The following CYP26C1 variants were observed in gnomAD, a reference collection of about 807,000 sequenced individuals.
CYP26C1 encodes the protein cytochrome P450 26C1.
CYP26C1 carries 41 observed loss-of-function variants against 39.1 expected under a neutral mutation model. The observed-to-expected ratio is 1.05, with a 90% CI of 0.82 to 1.36. CYP26C1 has a LOEUF of 1.36. CYP26C1 is among the 40% of genes most tolerant of loss of function. CYP26C1 has a pLI of 0.00. For missense variants in CYP26C1, 833 were observed against 752.0 expected (o/e 1.11, Z -1.26); for synonymous variants, 362 against 350.8 (o/e 1.03, Z -0.36).
In CYP26C1 at chr10:93,062,373, C is replaced by A. The variant is rs1039459257; in HGVS notation, c.429+139C>A. 4 of 862,204 alleles carry A rather than the reference C, an allele frequency of 4.6e-6. No individual in the cohort carries two copies. The African/African-American group carries it at 5.1e-5, about 11-fold the overall frequency. The allele number at this position is 862,204 out of a possible 1,614,324, so 53.4% of individuals were successfully genotyped here. The stretch of plus-strand genomic sequence containing the variant: ...CTGGTAACTAGCGGGTGGCCTTGGG[C>A]GGGTCCGTTACCTTCAGCTTCGGTT... On this transcript the variant is annotated intron_variant, in intron 2 of 5. Coordinates refer to ENST00000651965, the MANE Select transcript of CYP26C1 (RefSeq NM_183374.3).
intron 4 of CYP26C1, among the ~76,000 whole-genome samples, chr10:93,065,730 G>C (rs1193901585): frequency 6.6e-6 from 1 of 152,252 alleles, no homozygotes; most frequent in Admixed American, 6.5e-5. Context: ...CGGGTGGATA[G>C]ATCCTAATGT....
Position 93,062,254 on chromosome 10 carries a change from G to T in CYP26C1, c.429+20G>T, listed in dbSNP as rs1393022546. 2 of 1,507,452 alleles carry T rather than the reference G, an allele frequency of 1.3e-6. No individual in the cohort carries two copies. Among genetic ancestry groups the T allele is most frequent in the South Asian group, 2.5e-5 (2 of 80,298 alleles). 93.4% of individuals were successfully genotyped at this position (1,507,452 alleles called of 1,614,324 possible). On this transcript the variant is annotated intron_variant, in intron 2 of 5. Coordinates refer to ENST00000651965, the MANE Select transcript of CYP26C1 (RefSeq NM_183374.3). ...CGCAAGGTGAGTGGAAACGGGAATG[G>T]ACCGTAGATACGTCGGATCCGCGGT...
At chr10:93,064,799 C>T in intron 4 of CYP26C1, 2 of 1,165,968 alleles carry the variant, frequency 1.7e-6, no homozygotes, top group Non-Finnish European at 2.1e-6. Flanking sequence ...GGTTTCTGGC[C>T]ACAAATGGCT....
rs1279511738 is a variant in CYP26C1, at chr10:93,062,023, A to G, written c.218A>G (p.His73Arg). ...LHWLVQGSRF[H>R]SSRRERYGTV... ...CCTCGCCCGCAGGGCTCGCGCTTCC[A>G]CAGTTCTCGCCGAGAGCGCTATGGG... The change falls in exon 2 of 6, where the codon CAC (histidine) becomes CGC (arginine). Residue 73 changes from histidine (H) to arginine (R), a missense_variant. Physicochemically the swap from His to Arg is conservative, Grantham distance 29 (BLOSUM62 0). Transcript: ENST00000651965. The G allele has an allele frequency of 1.3e-6, 2 of 1,566,858 alleles. No individual in the cohort carries two copies. Among genetic ancestry groups the G allele is most frequent in the Admixed American group, 3.8e-5 (2 of 52,418 alleles).
At chr10:93,063,306 C>T in intron 3 of CYP26C1, 1 of 1,140,284 alleles carries the variant, frequency 8.8e-7, no homozygotes, top group Non-Finnish European at 1.1e-6. Context: ...AGGCGTCCTG[C>T]CAGTCGGTCG....
Position 93,066,161 on chromosome 10 carries a change from C to T in CYP26C1, c.1067C>T (p.Pro356Leu), listed in dbSNP as rs1208918451. 1.4e-6 allele frequency: 2 copies of T among 1,418,362 alleles called. No individual in the cohort carries two copies. Among genetic ancestry groups the T allele is most frequent in the Admixed American group, 4.8e-5 (2 of 41,580 alleles). 87.9% of individuals were successfully genotyped at this position (1,418,362 alleles called of 1,614,324 possible). A position where few individuals can be genotyped will look rare whatever the true frequency, so the allele number is the denominator to read the frequency against. Residue 356 changes from proline to leucine, a missense_variant, in exon 5 of 6, where the codon CCC (proline) becomes CTC (leucine). Coordinates refer to ENST00000651965, the MANE Select transcript of CYP26C1 (RefSeq NM_183374.3). ...CCCCCGCCCGACTGCGGCTGCGAGC[C>T]CGACCTCAGCCTCGCGGCGCTGGGC... The part of the protein sequence containing the change: ...EGPPPDCGCE[P>L]DLSLAALGRL...
chr10:93,063,066 G>C (rs745411639), intron 3 of CYP26C1, 71 bp downstream of exon 3: 19 of 1,484,624 alleles, frequency 1.3e-5, no homozygotes, highest in Non-Finnish European at 1.5e-5. Flanking sequence ...GACCCAGACG[G>C]GACGCCCTCG....
intron 2 of CYP26C1, 24 bp downstream of exon 2, chr10:93,062,258 GT>G: frequency 2.0e-6 from 3 of 1,501,382 alleles, no homozygotes; most frequent in Non-Finnish European, 2.7e-6. Flanking sequence ...GGAATGGACC[GT>G]AGATACGTCG....
chr10:93,062,610 G>C, intron 2 of CYP26C1, 110 bp from the exon 3 acceptor site: 7 of 1,030,452 alleles, frequency 6.8e-6, no homozygotes, highest in Non-Finnish European at 8.0e-6. Flanking sequence ...TTTAGGTCTG[G>C]GCCGCTTGGA....
At chr10:93,062,328 T>C (rs1846762218) in intron 2 of CYP26C1, 94 bp downstream of exon 2, 2 of 1,305,286 alleles carry the variant, frequency 1.5e-6, no homozygotes, top group East Asian at 5.1e-5. Context: ...TTGGATACAC[T>C]GTGAACCCGA....
intron 3 of CYP26C1, chr10:93,064,117 A>G: frequency 3.3e-6 from 4 of 1,218,956 alleles, no homozygotes; most frequent in Non-Finnish European, 4.2e-6. Context: ...TCTGAACTTC[A>G]GCATCCTCTC....
Position 93,068,768 on chromosome 10 carries a change from C to G in CYP26C1, c.*71C>G. ...CACGCAGCGCCACCCATCTGCCGCT[C>G]CCCATTGTAGCGTCGCGCGCCCACT... On this transcript the variant is annotated 3_prime_UTR_variant, in exon 6 of 6. Transcript: ENST00000651965. 4 of 1,460,646 alleles carry G rather than the reference C, an allele frequency of 2.7e-6. No homozygotes were observed. Among genetic ancestry groups the G allele is most frequent in the Middle Eastern group, 2.6e-4 (1 of 3,872 alleles). The allele number at this position is 1,460,646 out of a possible 1,614,324, so 90.5% of individuals were successfully genotyped here. A position where few individuals can be genotyped will look rare whatever the true frequency, so the allele number is the denominator to read the frequency against.
intron 3 of CYP26C1, chr10:93,063,805 A>T: frequency 1.0e-6 from 1 of 985,526 alleles, no homozygotes. Flanking sequence ...CAGGACTTTA[A>T]CCTCATCTCC....
At position 93,062,280 on chromosome 10, in the gene CYP26C1, C is replaced by T. The variant is rs543238370; in HGVS notation, c.429+46C>T. On this transcript the variant is annotated intron_variant, in intron 2 of 5. Coordinates refer to ENST00000651965, the MANE Select transcript of CYP26C1 (RefSeq NM_183374.3). ...ACCGTAGATACGTCGGATCCGCGGT[C>T]CCCGGCATCTGCCATGGGCCAGGCC... 38 of 1,480,226 alleles carry T rather than the reference C, an allele frequency of 2.6e-5. No individual in the cohort carries two copies. The South Asian group carries it at 3.6e-4, about 14-fold the overall frequency. The allele number at this position is 1,480,226 out of a possible 1,614,324, so 91.7% of individuals were successfully genotyped here. A position where few individuals can be genotyped will look rare whatever the true frequency, so the allele number is the denominator to read the frequency against.
chr10:93,065,829 AC>A (rs1263403285), intron 4 of CYP26C1, 126 bp from the exon 5 acceptor site: 16 of 873,980 alleles, frequency 1.8e-5, no homozygotes, highest in Non-Finnish European at 2.5e-5. Flanking sequence ...CGGTAATAGC[AC>A]TTCCCTGCCC....
Position 93,068,664 on chromosome 10 carries a change from G to A in CYP26C1, c.1536G>A (p.Thr512=). 1 of 1,580,714 alleles carries A rather than the reference G, an allele frequency of 6.3e-7. No homozygotes were observed. Among genetic ancestry groups the A allele is most frequent in the Non-Finnish European group, 8.6e-7 (1 of 1,160,708 alleles). The change falls in exon 6 of 6, where the codon ACG becomes ACA. Residue 512 remains threonine, a synonymous_variant. Coordinates refer to ENST00000651965, the MANE Select transcript of CYP26C1 (RefSeq NM_183374.3). The part of the protein sequence containing the change: ...DGLRLFFHPL[T]PSVAGNGLCL The stretch of plus-strand genomic sequence containing the variant: ...TGCGGCTCTTTTTCCACCCCCTCAC[G>A]CCTTCGGTTGCGGGGAATGGGCTAT...
chr10:93,061,531 C>T lies in CYP26C1; in HGVS notation c.204+64C>T, dbSNP rs1047770990. 5 of 1,522,454 alleles carry T rather than the reference C, an allele frequency of 3.3e-6. No individual in the cohort carries two copies. In the African/African-American group the frequency reaches 5.5e-5, roughly 17 times the overall value. 94.3% of individuals were successfully genotyped at this position (1,522,454 alleles called of 1,614,324 possible). A position where few individuals can be genotyped will look rare whatever the true frequency, so the allele number is the denominator to read the frequency against. Reference sequence around the variant, plus strand: ...TTCTTCCCCCGGCTCCCACTGGACCCTCCTCAGTCTCAATGCCCATGGGAT... The same window carrying T: ...TTCTTCCCCCGGCTCCCACTGGACCTTCCTCAGTCTCAATGCCCATGGGAT... On this transcript the variant is annotated intron_variant, in intron 1 of 5. Coordinates refer to ENST00000651965, the MANE Select transcript of CYP26C1 (RefSeq NM_183374.3).
Position 93,061,446 on chromosome 10 carries a change from AACGCTGC to A in CYP26C1, c.186_192del (p.Leu63GlyfsTer2). ...CCATGGGGTGGCCCTTCTTCGGCGA[AACGCTGC>A]ACTGGTTAGTTCAGGTGAGCAGTCC... On this transcript the variant is annotated frameshift_variant, in exon 1 of 6. Transcript: ENST00000651965. LOFTEE classifies it high-confidence loss of function. 6.4e-7 allele frequency: 1 copy of A among 1,552,468 alleles called. No homozygotes were observed.
Position 93,062,075 on chromosome 10 carries a change from C to T in CYP26C1, c.270C>T (p.Gly90=). ...YGTVFKTHLL[G]RPVIRVSGAE... is the part of the protein sequence containing the mutation. ...CAGTGTTCAAGACGCACCTGCTGGG[C>T]AGGCCAGTGATCCGCGTGAGCGGCG... is the stretch of plus-strand genomic sequence containing the variant. Residue 90 remains glycine (G), a synonymous_variant, in exon 2 of 6, where the codon GGC becomes GGT. Transcript: ENST00000651965. 1.3e-6 allele frequency: 2 copies of T among 1,580,156 alleles called. No individual in the cohort carries two copies. The highest frequency in any genetic ancestry group is 1.7e-6 in the Non-Finnish European group (2 of 1,164,038).
Sources: allele counts gnomAD v4.1 joint callset (sites outside exome capture counted in the v4.1 genomes callset), GRCh38; gene constraint gnomAD v4.1.1; transcripts MANE v1.5; gene names NCBI Gene and HGNC (gene_info 2026-07-23, HGNC 2026-07-21).